The following PTOV1 variants were observed in gnomAD, a reference collection of about 807,000 sequenced individuals.
The protein encoded by PTOV1 is PTOV1 extended AT-hook containing adaptor protein, also known as prostate tumor-overexpressed gene 1 protein.
Under a neutral mutation model 58.0 loss-of-function variants are expected in PTOV1, and 20 were observed. The observed-to-expected ratio is 0.34, with a 90% CI of 0.24 to 0.50. PTOV1 has a LOEUF of 0.50. Ranked by LOEUF, PTOV1 falls within the 20% of genes least tolerant of loss-of-function variation. The pLI, the probability that PTOV1 is intolerant of heterozygous loss-of-function variation, is 0.98. For synonymous variants in PTOV1, 335 were observed against 234.2 expected, an observed-to-expected ratio of 1.43 and a Z score of -3.93; for missense variants, 593 against 565.4, an observed-to-expected ratio of 1.05 and a Z score of -0.50.
chr19:49,860,497 CAG>C, exon 12 of PTOV1: 2 of 697,830 alleles, frequency 2.9e-6, no homozygotes, highest in Non-Finnish European at 2.3e-6. Flanking sequence ...AGCCCAGCCT[CAG>C]GGCCATGGGA....
chr19:49,857,678 G>A lies in PTOV1; in HGVS notation c.715-15G>A, dbSNP rs372055392. 45 of 1,611,916 alleles carry A rather than the reference G, an allele frequency of 2.8e-5. No individual in the cohort carries two copies. The highest frequency in any genetic ancestry group is 1.6e-4 in the East Asian group (7 of 44,864). ...GAGCCTGGGCCCCTCTTCCCACCCC[G>A]TTCCCTTCCAACAGGCAGTGGGACC... On this transcript the variant is annotated splice_polypyrimidine_tract_variant and intron_variant, in intron 6 of 11. Coordinates refer to ENST00000391842, the Ensembl canonical transcript of PTOV1.
chr19:49,854,966 C>G lies in PTOV1; in HGVS notation c.451-4C>G. The G allele has an allele frequency of 6.2e-7, 1 of 1,600,018 alleles. No individual in the cohort carries two copies. Among genetic ancestry groups the G allele is most frequent in the South Asian group, 1.1e-5 (1 of 88,948 alleles). ...GACCCAGCTGTCTGTCCTGTCGCCC[C>G]CAGACCACCCTGGGCCCCCTGTTCC... On this transcript the variant is annotated splice_polypyrimidine_tract_variant and splice_region_variant and intron_variant, in intron 4 of 11. Coordinates refer to ENST00000391842, the Ensembl canonical transcript of PTOV1.
intron 10 of PTOV1, chr19:49,858,860 C>G (rs1600397137): frequency 1.9e-6 from 1 of 540,062 alleles, no homozygotes; most frequent in East Asian, 2.9e-5. Flanking sequence ...CTGCGGGGGC[C>G]TGCTCCTCCT....
At chr19:49,856,644 C>G (rs2122226190) in intron 5 of PTOV1, 1 of 339,322 alleles carries the variant, frequency 2.9e-6, no homozygotes, top group Non-Finnish European at 5.5e-6. Context: ...GCTGCCTGTG[C>G]TCTTAACCCC....
At chr19:49,856,693 C>T (rs924656337) in intron 5 of PTOV1, 95 of 422,474 alleles carry the variant, frequency 2.2e-4, no homozygotes, top group Non-Finnish European at 3.6e-4. Flanking sequence ...GGAGGGCTGG[C>T]GGCAGGGGGT....
exon 12 of PTOV1, chr19:49,860,707 C>A (rs1470792842): frequency 5.9e-6 from 2 of 341,402 alleles, no homozygotes; most frequent in Non-Finnish European, 1.1e-5. Context: ...GTCCCCACCC[C>A]TCTACGTTTC....
Position 49,857,116 on chromosome 19 carries a change from A to G in PTOV1, c.700A>G (p.Thr234Ala), listed in dbSNP as rs146513307. ...CGTCAGTGCCATCCGGCAGGTCATC[A>G]CCACCCGCAAGCAGGTGTGCCAGCC... The change falls in exon 6 of 12, where the codon ACC becomes GCC. Residue 234 changes from threonine (T) to alanine (A), a missense_variant. Coordinates refer to ENST00000391842, the Ensembl canonical transcript of PTOV1. 60 of 1,613,826 alleles carry G rather than the reference A, an allele frequency of 3.7e-5. No individual in the cohort carries two copies. The highest frequency in any genetic ancestry group is 3.4e-4 in the South Asian group (31 of 91,092).
chr19:49,851,778 G>C (rs2074260939), intron 1 of PTOV1: 1 of 1,055,918 alleles, frequency 9.5e-7, no homozygotes, highest in Admixed American at 5.5e-5. Flanking sequence ...AACGCGGGCT[G>C]GGGGCGGCAG....
At chr19:49,856,607 A>G in intron 5 of PTOV1, 1 of 262,228 alleles carries the variant, frequency 3.8e-6, no homozygotes, top group Non-Finnish European at 7.4e-6. Context: ...TAGGTCACAC[A>G]GCTAGGAGGC....
intron 6 of PTOV1, 107 bp from the exon 7 acceptor site, chr19:49,857,586 G>A: frequency 1.9e-6 from 2 of 1,027,426 alleles, no homozygotes; most frequent in East Asian, 2.6e-5. Context: ...GGACCCAGCT[G>A]GGGCTAACAG....
At chr19:49,856,905 C>G in intron 5 of PTOV1, 70 bp from the exon 6 acceptor site, 1 of 1,567,454 alleles carries the variant, frequency 6.4e-7, no homozygotes, top group Non-Finnish European at 8.7e-7. Flanking sequence ...ACAGGTGGGG[C>G]GGTCCAGGGT....
At chr19:49,850,851 T>C (rs1001009670), upstream of PTOV1, 32 of 1,535,210 alleles carry the variant, frequency 2.1e-5, no homozygotes, top group Admixed American at 4.1e-4. Context: ...TTTGGCGCGG[T>C]CTCCTGGCTC....
At chr19:49,856,923 G>C in intron 5 of PTOV1, 52 bp from the exon 6 acceptor site, 1 of 1,602,742 alleles carries the variant, frequency 6.2e-7, no homozygotes, top group Non-Finnish European at 8.5e-7. Context: ...GGTGGTGGGG[G>C]CACAGTGGCC....
chr19:49,857,406 G>T, intron 6 of PTOV1: 1 of 606,842 alleles, frequency 1.6e-6, no homozygotes, highest in Middle Eastern at 4.4e-4. Flanking sequence ...TCCTGCGGCT[G>T]GAAGGCCCTG....
chr19:49,857,125 A>C, exon 6 of PTOV1: 1 of 1,614,012 alleles, frequency 6.2e-7, no homozygotes, highest in Non-Finnish European at 8.5e-7. Flanking sequence ...CACCACCCGC[A>C]AGCAGGTGTG....
In PTOV1 at chr19:49,854,893, G is replaced by GTGCCCC; in HGVS notation, c.450+5_450+6insTGCCCC. 4 of 1,603,498 alleles carry GTGCCCC rather than the reference G, an allele frequency of 2.5e-6. No individual in the cohort carries two copies. The highest frequency in any genetic ancestry group is 2.6e-6 in the Non-Finnish European group (3 of 1,173,288). On this transcript the variant is annotated splice_donor_region_variant and intron_variant, in intron 4 of 11. Transcript: ENST00000391842. ...CTGATCCCTCAGCAGCTGCTGGTGA[G>GTGCCCC]ACCCGCCCCTCCCACCCCATCCACT...
upstream of PTOV1, chr19:49,851,070 C>A (rs1018198868): frequency 6.8e-7 from 1 of 1,470,686 alleles, no homozygotes; most frequent in Non-Finnish European, 9.0e-7. Flanking sequence ...CGCTCCCGCC[C>A]GGGCCCCGCT....
Position 49,860,472 on chromosome 19 carries a change from C to A in PTOV1, c.*193C>A, listed in dbSNP as rs914531482. On this transcript the variant is annotated 3_prime_UTR_variant, in exon 12 of 12. Transcript: ENST00000391842. ...AGGCAGCAGTCCCAGCGGTCCTAGG[C>A]TGTCGGGAAACTGCAGCCCAGCCTC... 1.5e-5 allele frequency: 13 copies of A among 875,858 alleles called. No homozygotes were observed. In the African/African-American group the frequency reaches 2.2e-4, roughly 15 times the overall value. The allele number at this position is 875,858 out of a possible 1,614,324, so 54.3% of individuals were successfully genotyped here.
At chr19:49,851,436 C>T (rs2074241851) in exon 1 of PTOV1, 2 of 1,218,760 alleles carry the variant, frequency 1.6e-6, no homozygotes, top group Non-Finnish European at 2.0e-6. Flanking sequence ...GCTCGCGCTC[C>T]TGGCCTGCCA....
Sources: gnomAD v4.1 joint callset for allele counts on GRCh38, gnomAD v4.1.1 for gene constraint, MANE v1.5 for transcripts, NCBI Gene and HGNC (gene_info 2026-07-23, HGNC 2026-07-21) for gene names.